CNIH4: variants seen among roughly 807,000 people sequenced by gnomAD.
CNIH4 encodes the protein cornichon family member 4.
CNIH4 carries 9 observed loss-of-function variants against 21.5 expected under a neutral mutation model. The ratio of observed to expected loss-of-function variants is 0.42; its 90% confidence interval spans 0.25 to 0.73. The LOEUF is 0.73. CNIH4 is among the 30% of genes least tolerant of loss of function. The pLI, the probability that CNIH4 is intolerant of heterozygous loss-of-function variation, is 0.27. For synonymous variants in CNIH4, 67 were observed against 59.1 expected, an observed-to-expected ratio of 1.13 and a Z score of -0.61; for missense variants, 159 against 170.0, an observed-to-expected ratio of 0.94 and a Z score of 0.36.
intron 4 of CNIH4, among the ~76,000 whole-genome samples, chr1:224,373,823 G>T (rs1056443394): frequency 6.7e-6 from 1 of 149,806 alleles, no homozygotes; most frequent in Admixed American, 6.6e-5. Flanking sequence ...GTAAGGCTCC[G>T]TCTCAAAAAA....
At position 224,371,938 on chromosome 1, in the gene CNIH4, G is replaced by A. The variant is rs183530972; in HGVS notation, c.392+515G>A. On this transcript the variant is annotated intron_variant, in intron 4 of 4. Coordinates refer to ENST00000465271, the MANE Select transcript of CNIH4 (RefSeq NM_014184.4). ...TCCTGGGCAACAATAGTGAAACTCT[G>A]TTTCATATTTTTTTCCTTCCCTAGT... 1.3e-4 allele frequency among the ~76,000 whole-genome samples: 20 copies of A among 152,210 alleles called. No individual in the cohort carries two copies. The East Asian group carries it at 3.7e-3, about 28-fold the overall frequency.
At chr1:224,359,289 G>A (rs1284346198) in intron 1 of CNIH4, among the ~76,000 whole-genome samples, 2 of 152,198 alleles carry the variant, frequency 1.3e-5, no homozygotes, top group African/African-American at 2.4e-5. Context: ...TGCCGAGTGG[G>A]TTGGAAACAA....
rs755405690 is a variant in CNIH4, at chr1:224,379,425, A to G, written c.*3603A>G. 1.5e-5 allele frequency: 4 copies of G among 270,190 alleles called. No individual in the cohort carries two copies. The highest frequency in any genetic ancestry group is 2.2e-5 in the African/African-American group (1 of 45,488). 16.7% of individuals were successfully genotyped at this position (270,190 alleles called of 1,614,324 possible). On this transcript the variant is annotated 3_prime_UTR_variant, in exon 5 of 5. Coordinates refer to ENST00000465271, the MANE Select transcript of CNIH4 (RefSeq NM_014184.4). ...TAACACAGTGCCTTGCACACAAACA[A>G]TAAATGATTGTTGAGTGAATAAGTA...
Position 224,376,413 on chromosome 1 carries a change from G to A in CNIH4, c.*591G>A. 2.0e-6 allele frequency: 2 copies of A among 985,248 alleles called. No homozygotes were observed. The highest frequency in any genetic ancestry group is 6.2e-5 in the Admixed American group (1 of 16,254). The allele number at this position is 985,248 out of a possible 1,614,324, so 61.0% of individuals were successfully genotyped here. A position where few individuals can be genotyped will look rare whatever the true frequency, so the allele number is the denominator to read the frequency against. On this transcript the variant is annotated 3_prime_UTR_variant, in exon 5 of 5. Transcript: ENST00000465271. ...GAAACCTTATAAGCCATTTTCCCCA[G>A]GTACAATGTAGTTCCTGCTGATAGA...
rs549155058 is a variant in CNIH4, at chr1:224,374,635, C to G, written c.393-1160C>G. 2.7e-5 allele frequency among the ~76,000 whole-genome samples: 4 copies of G among 148,914 alleles called. No individual in the cohort carries two copies. In the South Asian group the frequency reaches 8.6e-4, roughly 32 times the overall value. On this transcript the variant is annotated intron_variant, in intron 4 of 4. Transcript: ENST00000465271. ...TCACCATGTTGGTCAGGTGATCCAC[C>G]CACCTCGGCCTCCCAAAGTGCTGGG... is the stretch of plus-strand genomic sequence containing the variant.
chr1:224,371,218 A>G (rs1207055716), intron 3 of CNIH4, 65 bp from the exon 4 acceptor site: 1 of 1,512,252 alleles, frequency 6.6e-7, no homozygotes, highest in Non-Finnish European at 9.0e-7. Flanking sequence ...TTGGCTACTT[A>G]TATTTGAATA....
intron 2 of CNIH4, among the ~76,000 whole-genome samples, chr1:224,361,880 C>G (rs944425773): frequency 5.3e-5 from 8 of 152,196 alleles, no homozygotes; most frequent in Non-Finnish European, 1.0e-4. Flanking sequence ...CCACTGCGCC[C>G]AGCCTCATGT....
At chr1:224,374,592 T>C in intron 4 of CNIH4, among the ~76,000 whole-genome samples, 1 of 152,020 alleles carries the variant, frequency 6.6e-6, no homozygotes, top group Non-Finnish European at 1.5e-5. Context: ...TTTTTGTATC[T>C]TTAGTAGAGT....
At chr1:224,364,004 G>A in intron 2 of CNIH4, 2 of 969,718 alleles carry the variant, frequency 2.1e-6, no homozygotes, top group Non-Finnish European at 2.5e-6. Context: ...ATTCGGGGAA[G>A]GGCATATCGT....
chr1:224,367,587 A>G (rs1176476501), intron 3 of CNIH4, among the ~76,000 whole-genome samples: 2 of 150,378 alleles, frequency 1.3e-5, no homozygotes, highest in African/African-American at 4.9e-5. Context: ...TGCAATGGCT[A>G]TTCACAGGTG....
chr1:224,369,675 A>ATTT (rs1193576882), intron 3 of CNIH4, among the ~76,000 whole-genome samples: 2 of 127,626 alleles, frequency 1.6e-5, no homozygotes, highest in Non-Finnish European at 3.2e-5. Context: ...CCCTGATGTG[A>ATTT]TTTTTTTTTT....
chr1:224,358,522 T>C (rs1290013205), intron 1 of CNIH4, among the ~76,000 whole-genome samples: 1 of 152,254 alleles, frequency 6.6e-6, no homozygotes, highest in Non-Finnish European at 1.5e-5. Context: ...AGGACAGCTT[T>C]GAATGTGGCC....
At position 224,376,214 on chromosome 1, in the gene CNIH4, AAAC is replaced by A. The variant is rs978539898; in HGVS notation, c.*397_*399del. 2.0e-6 allele frequency: 2 copies of A among 998,944 alleles called. No individual in the cohort carries two copies. The highest frequency in any genetic ancestry group is 1.7e-5 in the African/African-American group (1 of 57,836). 61.9% of individuals were successfully genotyped at this position (998,944 alleles called of 1,614,324 possible). On this transcript the variant is annotated 3_prime_UTR_variant, in exon 5 of 5. Coordinates refer to ENST00000465271, the MANE Select transcript of CNIH4 (RefSeq NM_014184.4). ...AGGTCTACTGAAAAGTTAGAGTACA[AAAC>A]AACACTGTTGATCTGGACAAAAGAA... is the stretch of plus-strand genomic sequence containing the variant.
Position 224,359,419 on chromosome 1 carries a change from C to T in CNIH4, c.70-1076C>T, listed in dbSNP as rs185135209. On this transcript the variant is annotated intron_variant, in intron 1 of 4. Transcript: ENST00000465271. ...TATTTAGAAGAAATGATTGCCAGGA[C>T]CTACAAATGAGTGATTATGATATAT... Among the ~76,000 whole-genome samples, 269 of 152,056 alleles carry T rather than the reference C, an allele frequency of 1.8e-3. 1 individual carries two copies. Among genetic ancestry groups the T allele is most frequent in the Non-Finnish European group, 3.0e-3 (206 of 67,986 alleles).
chr1:224,376,106 C>A lies in CNIH4; in HGVS notation c.*284C>A. On this transcript the variant is annotated 3_prime_UTR_variant, in exon 5 of 5. Coordinates refer to ENST00000465271, the MANE Select transcript of CNIH4 (RefSeq NM_014184.4). Reference sequence around the variant, plus strand: ...TTATTTGTATGTAGGAACAGGACTGCCATCCCAGCTTTGCATGCCAAAGAA... The same window carrying A: ...TTATTTGTATGTAGGAACAGGACTGACATCCCAGCTTTGCATGCCAAAGAA... The A allele has an allele frequency of 1.8e-6, 2 of 1,136,644 alleles. No individual in the cohort carries two copies. The highest frequency in any genetic ancestry group is 2.2e-6 in the Non-Finnish European group (2 of 926,700). 70.4% of individuals were successfully genotyped at this position (1,136,644 alleles called of 1,614,324 possible). A position where few individuals can be genotyped will look rare whatever the true frequency, so the allele number is the denominator to read the frequency against.
Position 224,356,951 on chromosome 1 carries a change from T to C in CNIH4, c.27T>C (p.Ser9=). Residue 9 remains serine (S), a synonymous_variant, in exon 1 of 5, where the codon TCT becomes TCC. Coordinates refer to ENST00000465271, the MANE Select transcript of CNIH4 (RefSeq NM_014184.4). ...TGGAGGCGGTGGTGTTCGTCTTCTCTCTCCTCGATTGTTGCGCGCTCATCT... is the reference window on the plus strand; with the variant it reads ...TGGAGGCGGTGGTGTTCGTCTTCTCCCTCCTCGATTGTTGCGCGCTCATCT... MEAVVFVF[S]LLDCCALIFL... 4 of 1,612,274 alleles carry C rather than the reference T, an allele frequency of 2.5e-6. No homozygotes were observed. Among genetic ancestry groups the C allele is most frequent in the Non-Finnish European group, 3.4e-6 (4 of 1,179,246 alleles).
intron 3 of CNIH4, among the ~76,000 whole-genome samples, chr1:224,370,741 TA>T (rs1462841833): frequency 7.2e-5 from 11 of 152,206 alleles, no homozygotes; most frequent in Non-Finnish European, 1.0e-4. Flanking sequence ...TCTGGAATGT[TA>T]CTGTATTTAT....
At chr1:224,366,026 GT>G in intron 3 of CNIH4, 35 bp downstream of exon 3, 1 of 1,331,060 alleles carries the variant, frequency 7.5e-7, no homozygotes, top group Non-Finnish European at 1.1e-6. Context: ...TGTCAAGGTA[GT>G]TAAAAAAAAA....
rs1672133087 is a variant in CNIH4 at position 224,356,981 on chromosome 1, C to T, written c.57C>T (p.Leu19=). The T allele has an allele frequency of 6.2e-7, 1 of 1,612,084 alleles. No individual in the cohort carries two copies. Among genetic ancestry groups the T allele is most frequent in the South Asian group, 1.1e-5 (1 of 90,444 alleles). ...SLLDCCALIF[L]SVYFIITLSD... ...TCGATTGTTGCGCGCTCATCTTCCT[C>T]TCGGTCTACTTCGTATCCTTGCCTG... Residue 19 remains leucine, a synonymous_variant, in exon 1 of 5, where the codon CTC becomes CTT. Coordinates refer to ENST00000465271, the MANE Select transcript of CNIH4 (RefSeq NM_014184.4).
Sources: gnomAD v4.1 joint callset for allele counts (sites outside exome capture counted in the v4.1 genomes callset) on GRCh38, gnomAD v4.1.1 for gene constraint, MANE v1.5 for transcripts, NCBI Gene and HGNC (gene_info 2026-07-23, HGNC 2026-07-21) for gene names.